JCAD: variants seen among roughly 807,000 people sequenced by gnomAD.
The protein encoded by JCAD is junctional cadherin 5 associated, also known as junctional cadherin 5-associated protein.
A neutral mutation model predicts 98.0 loss-of-function variants in JCAD; 40 were observed. The observed-to-expected ratio is 0.41, with a 90% CI of 0.32 to 0.53. The LOEUF is 0.53. JCAD is among the 20% of genes least tolerant of loss of function. JCAD has a pLI of 0.31. For synonymous variants in JCAD, 691 were observed against 682.3 expected (o/e 1.01, Z -0.20); for missense variants, 1,705 against 1,738.1 (o/e 0.98, Z 0.34).
chr10:30,029,950 C>T (rs886569889), intron 2 of JCAD, 84 bp from the exon 3 acceptor site: 24 of 1,442,660 alleles, frequency 1.7e-5, no homozygotes, highest in African/African-American at 4.3e-5. Flanking sequence ...AAGTCAAACT[C>T]AGGTCAGCAA....
rs776177612 is a variant in JCAD, at chr10:30,029,599, G to A, written c.549C>T (p.Asn183=). Residue 183 remains asparagine (N), a synonymous_variant, in exon 3 of 4, where the codon AAC becomes AAT. Coordinates refer to ENST00000375377, the MANE Select transcript of JCAD (RefSeq NM_020848.4). ...GCTGGTTCCAGCTTTCCAGGCTGAC[G>A]TTCTGCCACTTGGCAGGACCTGACA... The part of the protein sequence containing the change: ...LRMSGPAKWQ[N]VSLESWNQPR... 6 of 1,614,206 alleles carry A rather than the reference G, an allele frequency of 3.7e-6. No individual in the cohort carries two copies. Among genetic ancestry groups the A allele is most frequent in the East Asian group, 2.2e-5 (1 of 44,878 alleles).
chr10:30,079,407 C>A (rs1838039570), intron 1 of JCAD, among the ~76,000 whole-genome samples: 1 of 148,238 alleles, frequency 6.7e-6, no homozygotes, highest in Non-Finnish European at 1.5e-5. Context: ...GAACTGGCAA[C>A]AGAGAGCAAA....
chr10:30,113,548 CAAAAAA>C (rs71023545), intron 1 of JCAD, among the ~76,000 whole-genome samples: 7 of 15,960 alleles, frequency 4.4e-4, no homozygotes, highest in Non-Finnish European at 8.2e-4. Flanking sequence ...GAGACACTGT[CAAAAAA>C]AAAAAAAAAA....
chr10:30,064,602 T>C (rs566527151), intron 2 of JCAD, among the ~76,000 whole-genome samples: 1 of 152,040 alleles, frequency 6.6e-6, no homozygotes, highest in South Asian at 2.1e-4. Context: ...TTCTGTGAGA[T>C]AGAACACCAG....
intron 1 of JCAD, among the ~76,000 whole-genome samples, chr10:30,086,901 G>C (rs1357109789): frequency 6.6e-6 from 1 of 152,170 alleles, no homozygotes; most frequent in Non-Finnish European, 1.5e-5. Flanking sequence ...AGTGTTGGTA[G>C]ATTTTTATTT....
At chr10:30,113,139 A>G (rs907881885) in intron 1 of JCAD, among the ~76,000 whole-genome samples, 14 of 152,178 alleles carry the variant, frequency 9.2e-5, no homozygotes, top group Non-Finnish European at 1.3e-4. Flanking sequence ...AGGAGAGTCA[A>G]TGAAGGTGGT....
chr10:30,023,746 C>T (rs996824727), intron 3 of JCAD, among the ~76,000 whole-genome samples: 4 of 151,692 alleles, frequency 2.6e-5, no homozygotes, highest in African/African-American at 9.7e-5. Context: ...AAAAAAAAAC[C>T]CAAAAACGTC....
intron 1 of JCAD, among the ~76,000 whole-genome samples, chr10:30,115,191 G>GCT (rs1250293606): frequency 2.0e-5 from 3 of 152,178 alleles, no homozygotes; most frequent in African/African-American, 7.2e-5. Flanking sequence ...TGATTCTGCA[G>GCT]CTCTCTCTCC....
At chr10:30,030,486 G>A (rs1414802740) in intron 2 of JCAD, among the ~76,000 whole-genome samples, 1 of 152,156 alleles carries the variant, frequency 6.6e-6, no homozygotes, top group Non-Finnish European at 1.5e-5. Context: ...CTGTTCAGTA[G>A]TATTTCTCAA....
chr10:30,066,135 T>C (rs1427363892), intron 2 of JCAD, among the ~76,000 whole-genome samples: 1 of 152,206 alleles, frequency 6.6e-6, no homozygotes, highest in Admixed American at 6.5e-5. Flanking sequence ...CATTGTATGA[T>C]GATGGAGAGT....
At chr10:30,061,353 G>T (rs1156949866), upstream of JCAD, among the ~76,000 whole-genome samples, 1 of 152,022 alleles carries the variant, frequency 6.6e-6, no homozygotes, top group Non-Finnish European at 1.5e-5. Context: ...GACCAGCCTG[G>T]GTAAGATGGT....
At chr10:30,089,329 CT>C (rs1838219910) in intron 1 of JCAD, among the ~76,000 whole-genome samples, 1 of 152,190 alleles carries the variant, frequency 6.6e-6, no homozygotes, top group African/African-American at 2.4e-5. Flanking sequence ...CGAATGGCTA[CT>C]GGAGAGAAGG....
intron 2 of JCAD, among the ~76,000 whole-genome samples, chr10:30,038,453 G>A (rs1290292450): frequency 6.6e-6 from 1 of 152,040 alleles, no homozygotes; most frequent in East Asian, 1.9e-4. Context: ...AGACGCTGAG[G>A]TAGGAGGATC....
At chr10:30,073,817 ACTT>A (rs1358162929) in intron 1 of JCAD, among the ~76,000 whole-genome samples, 6 of 151,738 alleles carry the variant, frequency 4.0e-5, no homozygotes, top group Admixed American at 3.9e-4. Context: ...AAGCATTTAG[ACTT>A]CTTAAAACTA....
chr10:30,092,089 A>ATATATATATT (rs1838287448), intron 1 of JCAD, among the ~76,000 whole-genome samples: 1 of 30,664 alleles, frequency 3.3e-5, no homozygotes, highest in Non-Finnish European at 5.9e-5. Context: ...ATATATATAT[A>ATATATATATT]AAGTTACTTT....
intron 3 of JCAD, among the ~76,000 whole-genome samples, chr10:30,022,982 C>A (rs1836698217): frequency 6.6e-6 from 1 of 152,054 alleles, no homozygotes; most frequent in Non-Finnish European, 1.5e-5. Flanking sequence ...AAGTGCCCTA[C>A]AAAAGTGGTC....
intron 1 of JCAD, among the ~76,000 whole-genome samples, chr10:30,089,936 T>C (rs1028366370): frequency 1.3e-5 from 2 of 152,220 alleles, no homozygotes; most frequent in African/African-American, 2.4e-5. Context: ...CCAATTACAT[T>C]GGTGAAAATG....
intron 2 of JCAD, among the ~76,000 whole-genome samples, chr10:30,031,726 G>C (rs1032374456): frequency 4.8e-5 from 7 of 146,162 alleles, no homozygotes; most frequent in Admixed American, 2.8e-4. Context: ...AGAGGAGTGA[G>C]CCACTGCGCC....
chr10:30,071,463 C>A (rs1019571481), intron 1 of JCAD, among the ~76,000 whole-genome samples: 1 of 152,000 alleles, frequency 6.6e-6, no homozygotes, highest in Non-Finnish European at 1.5e-5. Context: ...TTTCAAGCCA[C>A]GTGATGTACA....
Sources: allele counts gnomAD v4.1 joint callset (sites outside exome capture counted in the v4.1 genomes callset), GRCh38; gene constraint gnomAD v4.1.1; transcripts MANE v1.5; gene names NCBI Gene and HGNC (gene_info 2026-07-23, HGNC 2026-07-21).